The following WFDC2 variants were observed in gnomAD, a reference collection of about 807,000 sequenced individuals.
WFDC2 encodes the protein WAP four-disulfide core domain 2.
A neutral mutation model predicts 12.5 loss-of-function variants in WFDC2; 8 were observed. The observed-to-expected ratio is 0.64, with a 90% CI of 0.37 to 1.15. The LOEUF (loss-of-function observed/expected upper bound fraction) is 1.15. Ranked by LOEUF, WFDC2 falls within the 50% of genes most tolerant of loss-of-function variation. WFDC2 has a pLI of 0.01. For synonymous variants in WFDC2, 74 were observed against 67.2 expected (o/e 1.10, Z -0.49); for missense variants, 166 against 159.9 (o/e 1.04, Z -0.21).
chr20:45,470,355 C>T lies in WFDC2; in HGVS notation c.80-34C>T, dbSNP rs1991151205. 1.3e-6 allele frequency: 2 copies of T among 1,553,600 alleles called. No individual in the cohort carries two copies. Among genetic ancestry groups the T allele is most frequent in the Admixed American group, 1.9e-5 (1 of 52,834 alleles). On this transcript the variant is annotated intron_variant, in intron 1 of 3. Coordinates refer to ENST00000372676, the MANE Select transcript of WFDC2 (RefSeq NM_006103.4). The surrounding 1 kb of genome is among the most constrained non-coding windows in gnomAD (Gnocchi z 5.4). ...GCATCCTCTGGGGCTGGCGCTACGC[C>T]CCACCCTCGACTGTCCCGGGCCTCC...
At chr20:45,471,225 A>C in intron 2 of WFDC2, 1 of 467,846 alleles carries the variant, frequency 2.1e-6, no homozygotes, top group South Asian at 1.6e-5. Flanking sequence ...GTCGTCTTTC[A>C]GTCAATCTCT....
intron 2 of WFDC2, among the ~76,000 whole-genome samples, chr20:45,474,125 C>A (rs1025815515): frequency 3.3e-5 from 5 of 152,172 alleles, no homozygotes; most frequent in Admixed American, 2.6e-4. Context: ...CATCTGCAAA[C>A]AGGGACAATT....
intron 2 of WFDC2, among the ~76,000 whole-genome samples, chr20:45,478,596 T>C (rs1991262343): frequency 6.6e-6 from 1 of 152,138 alleles, no homozygotes; most frequent in Admixed American, 6.5e-5. Flanking sequence ...ACTGGAGCTG[T>C]TACTATTCGG....
At chr20:45,471,202 T>C in intron 2 of WFDC2, 1 of 470,340 alleles carries the variant, frequency 2.1e-6, no homozygotes, top group Non-Finnish European at 4.4e-6. Flanking sequence ...CCCTGGACAC[T>C]GTATCGCCCT....
Position 45,470,501 on chromosome 20 carries a change from G to C in WFDC2, c.192G>C (p.Ala64=). Residue 64 remains alanine, a synonymous_variant, in exon 2 of 4, where the codon GCG becomes GCC. Coordinates refer to ENST00000372676, the MANE Select transcript of WFDC2 (RefSeq NM_006103.4). This position sits in a 1 kb window ranked among gnomAD's most constrained non-coding sequence, Gnocchi z 5.4. Reference sequence around the variant, plus strand: ...CCGACAACCTCAAGTGCTGCAGCGCGGGCTGTGCCACCTTCTGCTCTCTGC... The same window carrying C: ...CCGACAACCTCAAGTGCTGCAGCGCCGGCTGTGCCACCTTCTGCTCTCTGC... ...ECADNLKCCS[A]GCATFCSLPN... 2 of 1,599,632 alleles carry C rather than the reference G, an allele frequency of 1.3e-6. 1 individual carries two copies. The highest frequency in any genetic ancestry group is 3.3e-4 in the Middle Eastern group (2 of 6,040).
chr20:45,479,162 G>C (rs1358926477), intron 2 of WFDC2, among the ~76,000 whole-genome samples: 3 of 152,182 alleles, frequency 2.0e-5, no homozygotes, highest in Non-Finnish European at 4.4e-5. Context: ...GGATGAATGA[G>C]TGTATTTGGA....
chr20:45,477,177 G>A (rs914526012), intron 2 of WFDC2, among the ~76,000 whole-genome samples: 1 of 151,998 alleles, frequency 6.6e-6, no homozygotes, highest in Non-Finnish European at 1.5e-5. Context: ...GCCTACTTCT[G>A]TCAATTTGTC....
chr20:45,479,781 G>T (rs1007017582), intron 2 of WFDC2, 161 bp from the exon 3 acceptor site: 1 of 1,613,662 alleles, frequency 6.2e-7, no homozygotes, highest in African/African-American at 1.3e-5. Flanking sequence ...TGATCTTCCT[G>T]GGCCTCCTGA....
At position 45,469,814 on chromosome 20, in the gene WFDC2, C is replaced by G. The variant is rs756895288; in HGVS notation, c.33C>G (p.Ala11=). The change falls in exon 1 of 4, where the codon GCC becomes GCG. Residue 11 remains alanine (A), a synonymous_variant. Transcript: ENST00000372676. The part of the protein sequence containing the change: MPACRLGPLA[A]ALLLSLLLFG... ...CTTGTCGCCTAGGCCCGCTAGCCGC[C>G]GCCCTCCTCCTCAGCCTGCTGCTGT... 1.6e-5 allele frequency: 25 copies of G among 1,610,768 alleles called. No homozygotes were observed. The African/African-American group carries it at 2.8e-4, about 18-fold the overall frequency.
At chr20:45,479,080 A>C (rs1332556349) in intron 2 of WFDC2, among the ~76,000 whole-genome samples, 1 of 152,192 alleles carries the variant, frequency 6.6e-6, no homozygotes. Flanking sequence ...GCTCCCCTCT[A>C]TCTAACCTGG....
intron 2 of WFDC2, among the ~76,000 whole-genome samples, chr20:45,474,865 T>A (rs757106212): frequency 4.6e-5 from 7 of 152,246 alleles, no homozygotes; most frequent in African/African-American, 7.2e-5. Context: ...AACTTGTTAT[T>A]GGTCGATTCA....
intron 2 of WFDC2, among the ~76,000 whole-genome samples, chr20:45,478,376 AC>A (rs1991259474): frequency 6.6e-6 from 1 of 152,234 alleles, no homozygotes; most frequent in African/African-American, 2.4e-5. Flanking sequence ...ACTATTCCTC[AC>A]GGCACAGTCC....
rs1433458309 is a variant in WFDC2, at chr20:45,470,850, C to T, written c.223+318C>T. 1.3e-5 allele frequency among the ~76,000 whole-genome samples: 2 copies of T among 152,158 alleles called. No homozygotes were observed. Among genetic ancestry groups the T allele is most frequent in the Non-Finnish European group, 1.5e-5 (1 of 67,996 alleles). On this transcript the variant is annotated intron_variant, in intron 2 of 3. Transcript: ENST00000372676. This position sits in a 1 kb window ranked among gnomAD's most constrained non-coding sequence, Gnocchi z 5.4. ...GGACCCGGGGCCGCAGTTTCCTTCT[C>T]GAACCGGCCGAAGCCTGCCCTGCGG...
At chr20:45,477,775 C>T (rs1991251261) in intron 2 of WFDC2, among the ~76,000 whole-genome samples, 1 of 152,234 alleles carries the variant, frequency 6.6e-6, no homozygotes, top group Admixed American at 6.5e-5. Context: ...CCCCTTCCCC[C>T]AGGTGCTCTG....
At chr20:45,477,884 GT>G (rs1991253053) in intron 2 of WFDC2, among the ~76,000 whole-genome samples, 1 of 152,242 alleles carries the variant, frequency 6.6e-6, no homozygotes, top group Admixed American at 6.5e-5. Context: ...TAGAGAGGCA[GT>G]CTGGCTACAG....
chr20:45,471,072 A>G (rs187862819), intron 2 of WFDC2: 75 of 464,516 alleles, frequency 1.6e-4, no homozygotes, highest in Admixed American at 3.3e-4. Flanking sequence ...CATCGGTGAG[A>G]AAAAAATGTT....
In WFDC2 at chr20:45,476,119, T is replaced by C. The variant is rs1991229913; in HGVS notation, c.224-3823T>C. ...ATACAGCACACCAATGGGTCTTGAC[T>C]CTTTATCCAATTTGCCAGTCTTTGT... On this transcript the variant is annotated intron_variant, in intron 2 of 3. Transcript: ENST00000372676. Among the ~76,000 whole-genome samples, 3 of 152,226 alleles carry C rather than the reference T, an allele frequency of 2.0e-5. No individual in the cohort carries two copies. The South Asian group carries it at 6.2e-4, about 32-fold the overall frequency.
intron 2 of WFDC2, among the ~76,000 whole-genome samples, chr20:45,473,222 T>C (rs1199191758): frequency 1.3e-5 from 2 of 152,228 alleles, no homozygotes; most frequent in Non-Finnish European, 2.9e-5. Context: ...TTTGTTGCCA[T>C]TGCTTTTGGT....
Position 45,480,025 on chromosome 20 carries a change from T to C in WFDC2, c.307T>C (p.Cys103Arg), listed in dbSNP as rs1991282185. The C allele has an allele frequency of 3.1e-6, 5 of 1,614,076 alleles. No homozygotes were observed. The highest frequency in any genetic ancestry group is 1.7e-5 in the Admixed American group (1 of 60,000). The change falls in exon 3 of 4, where the codon TGT becomes CGT. Residue 103 changes from cysteine to arginine, a missense_variant. By Grantham distance (180) the Cys-to-Arg change is radical. Coordinates refer to ENST00000372676, the MANE Select transcript of WFDC2 (RefSeq NM_006103.4). ...GGACCAGTGCCAGGTGGACAGCCAG[T>C]GTCCTGGCCAGATGAAATGCTGCCG... ...CRDQCQVDSQ[C>R]PGQMKCCRNG...
Sources: gnomAD v4.1 joint callset for allele counts (sites outside exome capture counted in the v4.1 genomes callset) on GRCh38, gnomAD v4.1.1 for gene constraint, Gnocchi (gnomAD v3.1) non-coding constraint, MANE v1.5 for transcripts, NCBI Gene and HGNC (gene_info 2026-07-23, HGNC 2026-07-21) for gene names.